Variants in FZD3 observed in about 807,000 individuals in gnomAD.
FZD3 encodes frizzled class receptor 3.
A neutral mutation model predicts 60.7 loss-of-function variants in FZD3; 30 were observed. The ratio of observed to expected loss-of-function variants is 0.49; its 90% CI spans 0.37 to 0.67. The LOEUF is 0.67. Ranked by LOEUF, FZD3 falls within the 30% of genes least tolerant of loss-of-function variation. FZD3 has a pLI of 0.00. For synonymous variants in FZD3, 246 were observed against 275.2 expected (o/e 0.89, Z 1.05); for missense variants, 605 against 838.7 (o/e 0.72, Z 3.44).
chr8:28,554,375 G>A (rs1242403024), intron 6 of FZD3, among the ~76,000 whole-genome samples: 1 of 152,172 alleles, frequency 6.6e-6, no homozygotes, highest in African/African-American at 2.4e-5. Context: ...GTTGATTACA[G>A]AGGAACGAAT....
At chr8:28,505,540 CA>C (rs939499611) in intron 3 of FZD3, among the ~76,000 whole-genome samples, 32 of 152,012 alleles carry the variant, frequency 2.1e-4, no homozygotes, top group African/African-American at 7.0e-4. Context: ...TTTTTAGAGA[CA>C]AGGTTTTGCC....
intron 3 of FZD3, among the ~76,000 whole-genome samples, chr8:28,516,311 A>G (rs1003461509): frequency 1.6e-4 from 25 of 152,196 alleles, no homozygotes; most frequent in African/African-American, 5.3e-4. Context: ...GCTTTGTGAT[A>G]AGTTTTGAAA....
chr8:28,528,575 C>T (rs1804780557), intron 5 of FZD3, among the ~76,000 whole-genome samples: 1 of 152,080 alleles, frequency 6.6e-6, no homozygotes, highest in African/African-American at 2.4e-5. Flanking sequence ...TATAAAAACT[C>T]AATGATCTTG....
intron 5 of FZD3, among the ~76,000 whole-genome samples, chr8:28,533,699 A>G (rs912591777): frequency 6.6e-6 from 1 of 152,142 alleles, no homozygotes; most frequent in East Asian, 1.9e-4. Flanking sequence ...AGCTGATGGA[A>G]AGGGATGTTT....
intron 5 of FZD3, among the ~76,000 whole-genome samples, chr8:28,546,788 A>G (rs1444541231): frequency 6.6e-6 from 1 of 152,092 alleles, no homozygotes; most frequent in African/African-American, 2.4e-5. Context: ...ATCCTGGCTA[A>G]CACAGTGAAA....
intron 6 of FZD3, among the ~76,000 whole-genome samples, chr8:28,554,137 A>G (rs1202520415): frequency 3.3e-5 from 5 of 152,266 alleles, no homozygotes; most frequent in Admixed American, 6.5e-5. Flanking sequence ...ACTTATGCTA[A>G]TAATTCTGAC....
intron 6 of FZD3, 23 bp from the exon 7 acceptor site, chr8:28,555,715 A>C (rs761709878): frequency 1.5e-6 from 2 of 1,335,736 alleles, no homozygotes; most frequent in African/African-American, 2.9e-5. Context: ...TATGTATCTT[A>C]AACTTACTAT....
At chr8:28,536,741 A>G (rs921067517) in intron 5 of FZD3, among the ~76,000 whole-genome samples, 4 of 152,132 alleles carry the variant, frequency 2.6e-5, no homozygotes, top group Non-Finnish European at 4.4e-5. Flanking sequence ...ACAAACAAAA[A>G]ATATTATTTC....
intron 5 of FZD3, among the ~76,000 whole-genome samples, chr8:28,534,161 T>C (rs1804951318): frequency 1.3e-5 from 2 of 152,222 alleles, no homozygotes; most frequent in Non-Finnish European, 2.9e-5. Context: ...CCATCTGAAC[T>C]GTAGCCTACA....
At chr8:28,507,789 ATT>A (rs71222555) in intron 3 of FZD3, among the ~76,000 whole-genome samples, 3,755 of 146,768 alleles carry the variant, frequency 0.026, 140 homozygotes, top group African/African-American at 0.083. Context: ...GAACTCAAGG[ATT>A]TTTTTTTTTT....
Position 28,520,715 on chromosome 8 carries a change from T to C in FZD3, c.267T>C (p.Cys89=). The stretch of plus-strand genomic sequence containing the variant: ...TTTGTGCACTCTACGCTCCTATTTG[T>C]ATGGAATATGGACGTGTCACACTTC... ...PFLCALYAPI[C]MEYGRVTLPC... Residue 89 remains cysteine, a synonymous_variant, in exon 4 of 8, where the codon TGT becomes TGC. Transcript: ENST00000240093. 1 of 1,612,502 alleles carries C rather than the reference T, an allele frequency of 6.2e-7. No individual in the cohort carries two copies. The highest frequency in any genetic ancestry group is 8.5e-7 in the Non-Finnish European group (1 of 1,178,836).
At chr8:28,508,078 A>G (rs1268399822) in intron 3 of FZD3, among the ~76,000 whole-genome samples, 1 of 151,630 alleles carries the variant, frequency 6.6e-6, no homozygotes, top group Admixed American at 6.6e-5. Flanking sequence ...TTTTTTTTGT[A>G]GAGGCAAGAT....
chr8:28,529,380 C>G (rs943026931), intron 5 of FZD3, among the ~76,000 whole-genome samples: 1 of 152,186 alleles, frequency 6.6e-6, no homozygotes, highest in Non-Finnish European at 1.5e-5. Flanking sequence ...TATTGACGTA[C>G]TTAAGGATTA....
chr8:28,546,667 T>TA (rs1805300337), intron 5 of FZD3, among the ~76,000 whole-genome samples: 1 of 152,200 alleles, frequency 6.6e-6, no homozygotes, highest in East Asian at 1.9e-4. Context: ...TGGGATTTTT[T>TA]ATTCTTAGAA....
At chr8:28,539,448 A>G (rs1382282279) in intron 5 of FZD3, among the ~76,000 whole-genome samples, 3 of 152,214 alleles carry the variant, frequency 2.0e-5, no homozygotes, top group South Asian at 2.1e-4. Context: ...CTTAATTACT[A>G]TAACATAATA....
chr8:28,524,975 G>A (rs1804679577), intron 4 of FZD3, among the ~76,000 whole-genome samples: 2 of 152,106 alleles, frequency 1.3e-5, no homozygotes, highest in Admixed American at 1.3e-4. Context: ...TAGGCATTCT[G>A]TTGCCTTCAG....
At chr8:28,517,998 C>T (rs1437571919) in intron 3 of FZD3, among the ~76,000 whole-genome samples, 2 of 151,976 alleles carry the variant, frequency 1.3e-5, no homozygotes, top group Non-Finnish European at 2.9e-5. Context: ...AAGATTAATC[C>T]TCTTTTCTGC....
chr8:28,553,294 A>G (rs1805446691), intron 6 of FZD3, among the ~76,000 whole-genome samples: 2 of 152,348 alleles, frequency 1.3e-5, no homozygotes, highest in East Asian at 1.9e-4. Context: ...AATGCTTACT[A>G]TGTGCCACCA....
rs1322144618 is a variant in FZD3, at chr8:28,566,678, A to T, written c.*3667A>T. 6.6e-6 allele frequency: 1 copy of T among 152,188 alleles called. No individual in the cohort carries two copies. The highest frequency in any genetic ancestry group is 1.5e-5 in the Non-Finnish European group (1 of 68,016). 9.4% of individuals were successfully genotyped at this position (152,188 alleles called of 1,614,324 possible). A position where few individuals can be genotyped will look rare whatever the true frequency, so the allele number is the denominator to read the frequency against. On this transcript the variant is annotated 3_prime_UTR_variant, in exon 8 of 8. Transcript: ENST00000240093. The stretch of plus-strand genomic sequence containing the variant: ...AATCATTTGCTGGAGCTTAGAAAAT[A>T]TTAACATACCAAAATTTCATTATGA...
Sources: allele counts gnomAD v4.1 joint callset (sites outside exome capture counted in the v4.1 genomes callset), GRCh38; gene constraint gnomAD v4.1.1; transcripts MANE v1.5; gene names NCBI Gene and HGNC (gene_info 2026-07-23, HGNC 2026-07-21).